The following LPA variants were observed in gnomAD, a reference collection of about 807,000 sequenced individuals.
LPA encodes lipoprotein(a), also known as apolipoprotein(a).
A neutral mutation model predicts 197.9 loss-of-function variants in LPA; 199 were observed. That is an observed-to-expected ratio of 1.01 (90% CI 0.90 to 1.13). LPA has a LOEUF of 1.13. Ranked by LOEUF, LPA falls within the 50% of genes most tolerant of loss-of-function variation. LPA has a pLI of 0.00. For synonymous variants in LPA, 715 were observed against 639.5 expected (o/e 1.12, Z -1.78); for missense variants, 1,853 against 1,785.8 (o/e 1.04, Z -0.68).
At chr6:160,598,337 G>T (rs1255107303) in intron 20 of LPA, among the ~76,000 whole-genome samples, 1 of 152,128 alleles carries the variant, frequency 6.6e-6, no homozygotes, top group African/African-American at 2.4e-5. Flanking sequence ...CTCTTAGCAT[G>T]GCTAGAAAAT....
chr6:160,658,215 G>T (rs1780163517), intron 1 of LPA, among the ~76,000 whole-genome samples: 1 of 152,160 alleles, frequency 6.6e-6, no homozygotes, highest in Non-Finnish European at 1.5e-5. Flanking sequence ...AGTGTCCTCA[G>T]CTTCATCAGG....
intron 1 of LPA, among the ~76,000 whole-genome samples, chr6:160,662,810 A>G (rs929630741): frequency 1.3e-5 from 2 of 152,222 alleles, no homozygotes; most frequent in African/African-American, 4.8e-5. Context: ...CTGGTAATTT[A>G]TAGATTAAAT....
chr6:160,609,992 A>C (rs919935226), intron 16 of LPA, among the ~76,000 whole-genome samples: 2 of 152,128 alleles, frequency 1.3e-5, no homozygotes, highest in Non-Finnish European at 2.9e-5. Flanking sequence ...TGGCTATTCT[A>C]TACTATTAAT....
intron 27 of LPA, among the ~76,000 whole-genome samples, chr6:160,577,705 C>T (rs1778711346): frequency 6.6e-6 from 1 of 152,162 alleles, no homozygotes; most frequent in African/African-American, 2.4e-5. Flanking sequence ...GACCATTGCT[C>T]ATACCAAGGC....
rs746733669 is a variant in LPA at position 160,611,662 on chromosome 6, G to C, written c.2503C>G (p.Arg835Gly). The C allele has an allele frequency of 1.9e-6, 3 of 1,562,288 alleles. No individual in the cohort carries two copies. The highest frequency in any genetic ancestry group is 2.6e-6 in the Non-Finnish European group (3 of 1,150,982). ...GTGACAGTGGTGGAGTATGTGCCTC[G>C]ATAACTCTGTCCATTACCGTGGTAG... is the stretch of plus-strand genomic sequence containing the variant. ...ECYHGNGQSY[R>G]GTYSTTVTGR... The change falls in exon 16 of 39, where the codon CGA (arginine) becomes GGA (glycine). Residue 835 changes from arginine (R) to glycine (G), a missense_variant. Transcript: ENST00000316300.
At chr6:160,534,020 G>C (rs1038616877) in intron 37 of LPA, among the ~76,000 whole-genome samples, 3 of 152,172 alleles carry the variant, frequency 2.0e-5, no homozygotes, top group Non-Finnish European at 4.4e-5. Context: ...CATGGCACAG[G>C]CTAGAACTGA....
chr6:160,606,587 C>T lies in LPA; in HGVS notation c.2675G>A (p.Ser892Asn). Residue 892 changes from serine (S) to asparagine (N), a missense_variant, in exon 17 of 39, where the codon AGT (serine) becomes AAT (asparagine). Coordinates refer to ENST00000316300, the MANE Select transcript of LPA (RefSeq NM_005577.4). ...CAGGTTGCAGTACTCCCACCTGACA[C>T]TGGGATCCCTCGTATAACAATAAGG... ...AAPYCYTRDP[S>N]VRWEYCNLTQ... 1.2e-6 allele frequency: 2 copies of T among 1,613,982 alleles called. No homozygotes were observed. The highest frequency in any genetic ancestry group is 1.7e-6 in the Non-Finnish European group (2 of 1,179,960).
At chr6:160,654,365 G>A (rs1562355234) in intron 1 of LPA, among the ~76,000 whole-genome samples, 1 of 151,252 alleles carries the variant, frequency 6.6e-6, no homozygotes, top group Non-Finnish European at 1.5e-5. Flanking sequence ...TGATTAGATG[G>A]TGTGTACCCA....
chr6:160,611,529 T>A (rs757206441), intron 16 of LPA, 33 bp downstream of exon 16: 2 of 1,607,226 alleles, frequency 1.2e-6, no homozygotes, highest in East Asian at 4.5e-5. Context: ...CAGTTGGCCC[T>A]TTATTCTCTT....
chr6:160,599,833 T>A (rs1299220419), intron 19 of LPA, among the ~76,000 whole-genome samples, 174 bp from the exon 20 acceptor site: 1 of 152,190 alleles, frequency 6.6e-6, no homozygotes, highest in Non-Finnish European at 1.5e-5. Flanking sequence ...AAGTAAGAGA[T>A]GCCTACCATT....
Position 160,585,326 on chromosome 6 carries a change from T to A in LPA, c.4130-121A>T. On this transcript the variant is annotated intron_variant, in intron 25 of 38. Transcript: ENST00000316300. ...CAATTTACACTCTTCTATATTAGCA[T>A]GCAAATTGAAATGTAGAATAAAAAT... 6.6e-6 allele frequency: 6 copies of A among 915,164 alleles called. No homozygotes were observed. The South Asian group carries it at 8.0e-5, about 12-fold the overall frequency. The allele number at this position is 915,164 out of a possible 1,614,324, so 56.7% of individuals were successfully genotyped here. A position where few individuals can be genotyped will look rare whatever the true frequency, so the allele number is the denominator to read the frequency against.
chr6:160,653,960 TATATATTATATATAATATATAATATATA>T (rs1780054995), intron 1 of LPA, among the ~76,000 whole-genome samples: 3 of 28,910 alleles, frequency 1.0e-4, no homozygotes, highest in African/African-American at 3.0e-4. Flanking sequence ...TTATATATAA[TATATATTATATATAATATATAATATATA>T]ATATATATTA....
intron 30 of LPA, among the ~76,000 whole-genome samples, chr6:160,551,191 T>A (rs963188595): frequency 1.3e-5 from 2 of 152,224 alleles, no homozygotes; most frequent in African/African-American, 4.8e-5. Flanking sequence ...TTGCTCTACA[T>A]CAGTGACATC....
Position 160,539,051 on chromosome 6 carries a change from G to A in LPA, c.5735+992C>T, listed in dbSNP as rs1777936890. Among the ~76,000 whole-genome samples the A allele has an allele frequency of 3.3e-5, 5 of 152,278 alleles. No individual in the cohort carries two copies. In the South Asian group the frequency reaches 6.2e-4, roughly 19 times the overall value. ...TTCTCTCCTTCCTAGAGTGTCAGAG[G>A]ATTCCAGGACATCACCCCTCAGTTC... On this transcript the variant is annotated intron_variant, in intron 36 of 38. Coordinates refer to ENST00000316300, the MANE Select transcript of LPA (RefSeq NM_005577.4).
At chr6:160,582,798 T>C (rs1420123745) in intron 26 of LPA, among the ~76,000 whole-genome samples, 2 of 152,138 alleles carry the variant, frequency 1.3e-5, no homozygotes, top group Non-Finnish European at 2.9e-5. Context: ...CCAATATCTC[T>C]TTCCCTTCCT....
chr6:160,561,978 T>C (rs1171947090), intron 28 of LPA, among the ~76,000 whole-genome samples: 1 of 152,210 alleles, frequency 6.6e-6, no homozygotes, highest in East Asian at 1.9e-4. Flanking sequence ...GCTGAGATGA[T>C]AGAGTTTTCT....
At chr6:160,656,156 A>G (rs1408392696) in intron 1 of LPA, among the ~76,000 whole-genome samples, 5 of 152,234 alleles carry the variant, frequency 3.3e-5, no homozygotes, top group African/African-American at 1.2e-4. Flanking sequence ...TGCACAGGTC[A>G]AATGGGAGAG....
intron 8 of LPA, among the ~76,000 whole-genome samples, chr6:160,633,159 C>T (rs1306534113): frequency 1.6e-5 from 2 of 122,574 alleles, no homozygotes; most frequent in South Asian, 2.5e-4. Context: ...CTCCATCCAC[C>T]CATCCCTTTT....
rs373226289 is a variant in LPA at position 160,531,778 on chromosome 6, C to T, written c.6074G>A (p.Arg2025His). The stretch of plus-strand genomic sequence containing the variant: ...AATCCAAGTAACAAACCTTGAAACA[C>T]GAGCATAGACACCAGGCTTATTGGG... ...ARPNKPGVYA[R>H]VSRFVTWIEG... is the part of the protein sequence containing the mutation. Residue 2025 changes from arginine to histidine, a missense_variant, in exon 39 of 39, where the codon CGT (arginine) becomes CAT (histidine). By Grantham distance (29) the Arg-to-His change is conservative. Coordinates refer to ENST00000316300, the MANE Select transcript of LPA (RefSeq NM_005577.4). 3.9e-5 allele frequency: 63 copies of T among 1,613,976 alleles called. No homozygotes were observed. The Middle Eastern group carries it at 4.9e-4, about 13-fold the overall frequency.
Sources: gnomAD v4.1 joint callset for allele counts (sites outside exome capture counted in the v4.1 genomes callset) on GRCh38, gnomAD v4.1.1 for gene constraint, MANE v1.5 for transcripts, NCBI Gene and HGNC (gene_info 2026-07-23, HGNC 2026-07-21) for gene names.